SCAI: variants seen among roughly 807,000 people sequenced by gnomAD.
The protein encoded by SCAI is protein SCAI.
A neutral mutation model predicts 92.2 loss-of-function variants in SCAI; 24 were observed. The ratio of observed to expected loss-of-function variants is 0.26; its 90% CI spans 0.19 to 0.37. The LOEUF is 0.37. Ranked by LOEUF, SCAI falls within the 10% of genes least tolerant of loss-of-function variation. The probability of loss-of-function intolerance (pLI) is 1.00; values close to 1 mark genes in which losing one functional copy is unlikely to be tolerated. For synonymous variants in SCAI, 261 were observed against 258.6 expected (o/e 1.01, Z -0.09); for missense variants, 450 against 736.2 (o/e 0.61, Z 4.50).
intron 2 of SCAI, among the ~76,000 whole-genome samples, chr9:125,075,549 C>T (rs1834070795): frequency 6.6e-6 from 1 of 151,406 alleles, no homozygotes; most frequent in South Asian, 2.1e-4. Flanking sequence ...AGGCATGCAC[C>T]ACCACGTCCA....
chr9:124,954,763 C>T (rs970491916), intron 17 of SCAI, among the ~76,000 whole-genome samples: 16 of 152,156 alleles, frequency 1.1e-4, no homozygotes, highest in African/African-American at 3.9e-4. Flanking sequence ...CTCCCCCATT[C>T]GCCCCAGTCC....
chr9:125,042,959 A>C lies in SCAI; in HGVS notation c.230+12917T>G, dbSNP rs547215452. Among the ~76,000 whole-genome samples the C allele has an allele frequency of 5.3e-5, 7 of 132,226 alleles. No individual in the cohort carries two copies. The East Asian group carries it at 1.7e-3, about 32-fold the overall frequency. The allele number at this position is 132,226 out of a possible 152,430, so 86.7% of individuals were successfully genotyped here. A position where few individuals can be genotyped will look rare whatever the true frequency, so the allele number is the denominator to read the frequency against. On this transcript the variant is annotated intron_variant, in intron 3 of 17. Transcript: ENST00000336505. ...TGGCTCACTGCAACCTCCACCTCCC[A>C]GGTTCAAGCGATTCTCATGCCTCAG...
intron 9 of SCAI, among the ~76,000 whole-genome samples, chr9:125,003,881 C>T (rs528012571): frequency 6.6e-6 from 1 of 152,040 alleles, no homozygotes; most frequent in Admixed American, 6.6e-5. Flanking sequence ...TAAGTAGTTA[C>T]AGAAACACAG....
chr9:125,116,814 T>C (rs1361062258), intron 2 of SCAI, among the ~76,000 whole-genome samples: 2 of 152,128 alleles, frequency 1.3e-5, no homozygotes, highest in Non-Finnish European at 2.9e-5. Flanking sequence ...AAATCTGTCC[T>C]AATTATCCCA....
intron 9 of SCAI, 162 bp from the exon 10 acceptor site, chr9:125,003,732 C>G (rs1832413652): frequency 1.7e-6 from 1 of 595,250 alleles, no homozygotes; most frequent in Non-Finnish European, 3.0e-6. Flanking sequence ...GATGGAAAGA[C>G]TGGAAGAATT....
chr9:125,108,899 C>T (rs1425383876), intron 2 of SCAI, among the ~76,000 whole-genome samples: 2 of 152,066 alleles, frequency 1.3e-5, no homozygotes, highest in South Asian at 2.1e-4. Flanking sequence ...ATGACGATGG[C>T]GGTTTTGTCA....
chr9:125,084,295 C>A (rs1034319819), intron 2 of SCAI, among the ~76,000 whole-genome samples: 4 of 150,836 alleles, frequency 2.7e-5, no homozygotes, highest in African/African-American at 9.8e-5. Flanking sequence ...CTCAGCCTCC[C>A]GAGTAGCTGG....
chr9:125,109,970 G>C (rs1834899471), intron 2 of SCAI, among the ~76,000 whole-genome samples: 1 of 152,182 alleles, frequency 6.6e-6, no homozygotes, highest in Non-Finnish European at 1.5e-5. Flanking sequence ...TTACAGGCAT[G>C]AGCCACCATG....
chr9:125,053,553 T>C (rs1337052333), intron 3 of SCAI, among the ~76,000 whole-genome samples: 1 of 152,186 alleles, frequency 6.6e-6, no homozygotes, highest in Non-Finnish European at 1.5e-5. Context: ...ATGTCCATGA[T>C]AGAAGACCAC....
chr9:125,043,868 C>A (rs1193991949), intron 3 of SCAI, among the ~76,000 whole-genome samples: 1 of 152,278 alleles, frequency 6.6e-6, no homozygotes, highest in South Asian at 2.1e-4. Context: ...AGGCCAGGAA[C>A]AGGTGGAAGC....
chr9:125,073,294 C>T (rs1268596458), intron 2 of SCAI, among the ~76,000 whole-genome samples: 5 of 150,030 alleles, frequency 3.3e-5, no homozygotes, highest in Non-Finnish European at 5.9e-5. Flanking sequence ...TTAGTAGAGA[C>T]GGGGTTTCAC....
At chr9:125,090,100 C>T (rs1024835665) in intron 2 of SCAI, among the ~76,000 whole-genome samples, 2 of 152,166 alleles carry the variant, frequency 1.3e-5, no homozygotes, top group Non-Finnish European at 2.9e-5. Flanking sequence ...TAGACTTGAA[C>T]TCAATTCTGA....
At chr9:124,953,817 T>G (rs1335503597) in intron 17 of SCAI, among the ~76,000 whole-genome samples, 1 of 152,234 alleles carries the variant, frequency 6.6e-6, no homozygotes, top group African/African-American at 2.4e-5. Flanking sequence ...ATGCAACAGT[T>G]CATACATACA....
chr9:124,971,082 T>G (rs1039207246), intron 17 of SCAI, among the ~76,000 whole-genome samples: 2 of 152,142 alleles, frequency 1.3e-5, no homozygotes, highest in African/African-American at 4.8e-5. Flanking sequence ...CCCAAAGTGC[T>G]GAGATTACAG....
chr9:125,078,717 A>AC (rs1423404953), intron 2 of SCAI, among the ~76,000 whole-genome samples: 1 of 152,054 alleles, frequency 6.6e-6, no homozygotes, highest in Non-Finnish European at 1.5e-5. Context: ...GGAGTTTGAG[A>AC]CCAGCCTGGG....
chr9:124,967,124 G>C (rs1831556673), intron 17 of SCAI, among the ~76,000 whole-genome samples: 1 of 152,076 alleles, frequency 6.6e-6, no homozygotes, highest in Non-Finnish European at 1.5e-5. Context: ...ATTAAAATGA[G>C]GTAATATGGT....
At chr9:125,005,758 C>T (rs1832492913) in intron 9 of SCAI, among the ~76,000 whole-genome samples, 1 of 152,070 alleles carries the variant, frequency 6.6e-6, no homozygotes, top group Non-Finnish European at 1.5e-5. Flanking sequence ...GAAGATGGCC[C>T]CTCCCACACA....
At chr9:125,057,941 A>C (rs752859607) in intron 2 of SCAI, among the ~76,000 whole-genome samples, 6 of 151,766 alleles carry the variant, frequency 4.0e-5, no homozygotes, top group Non-Finnish European at 7.4e-5. Context: ...AAAAAATGTA[A>C]AAATTAGCCA....
intron 14 of SCAI, among the ~76,000 whole-genome samples, chr9:124,988,452 T>A (rs1043929136): frequency 6.6e-6 from 1 of 152,108 alleles, no homozygotes; most frequent in Non-Finnish European, 1.5e-5. Context: ...ATCACTGATA[T>A]TCTCAAAGGA....
Sources: gnomAD v4.1 joint callset for allele counts (sites outside exome capture counted in the v4.1 genomes callset) on GRCh38, gnomAD v4.1.1 for gene constraint, MANE v1.5 for transcripts, NCBI Gene and HGNC (gene_info 2026-07-23, HGNC 2026-07-21) for gene names.